Variants in MARK4 observed in about 807,000 individuals in gnomAD.
MARK4 encodes the protein MAP/microtubule affinity-regulating kinase 4.
MARK4 carries 19 observed loss-of-function variants against 81.5 expected under a neutral mutation model. That is an observed-to-expected ratio of 0.23 (90% CI 0.16 to 0.34). The LOEUF is 0.34. Among genes scored for constraint, MARK4 ranks in the 10% least tolerant of loss-of-function variants. The pLI is 1.00. For synonymous variants in MARK4, 436 were observed against 439.0 expected (o/e 0.99, Z 0.08); for missense variants, 772 against 1,058.8 (o/e 0.73, Z 3.76).
chr19:45,280,655 C>G lies in MARK4; in HGVS notation c.1197C>G (p.Ser399=). The change falls in exon 12 of 17, where the codon TCC becomes TCG. Residue 399 remains serine (S), a synonymous_variant. Transcript: ENST00000262891. Reference sequence around the variant, plus strand: ...GCGACACCACCAACGGAACAAGTTCCAGCAAAGGCACCAGCCACAGCAAAG... The same window carrying G: ...GCGACACCACCAACGGAACAAGTTCGAGCAAAGGCACCAGCCACAGCAAAG... The part of the protein sequence containing the change: ...APSDTTNGTS[S]SKGTSHSKGQ... 2 of 1,614,156 alleles carry G rather than the reference C, an allele frequency of 1.2e-6. No homozygotes were observed. Among genetic ancestry groups the G allele is most frequent in the Non-Finnish European group, 1.7e-6 (2 of 1,180,012 alleles).
chr19:45,288,705 C>G (rs1970780808), intron 13 of MARK4, among the ~76,000 whole-genome samples: 1 of 151,870 alleles, frequency 6.6e-6, no homozygotes, highest in South Asian at 2.1e-4. Flanking sequence ...AAAAAATTAG[C>G]TGGGCATGGT....
intron 13 of MARK4, 34 bp downstream of exon 13, chr19:45,287,698 G>T (rs756054631): frequency 6.3e-7 from 1 of 1,586,646 alleles, no homozygotes; most frequent in Non-Finnish European, 8.6e-7. Flanking sequence ...AGGGCTGGGG[G>T]CGCCACCTGG....
rs753113054 is a variant in MARK4 at position 45,302,677 on chromosome 19, C to T, written c.2226C>T (p.Leu742=). ...VAGTALAFRT[L]VTRISNDLEL ...GCACCGCCCTGGCCTTCCGCACCCT[C>T]GTCACCCGCATCTCCAACGACCTCG... The change falls in exon 17 of 17, where the codon CTC becomes CTT. Residue 742 remains leucine (L), a synonymous_variant. Coordinates refer to ENST00000262891, the MANE Select transcript of MARK4 (RefSeq NM_001199867.2). The surrounding 1 kb of genome is among the most constrained non-coding windows in gnomAD (Gnocchi z 4.9). The T allele has an allele frequency of 5.2e-6, 8 of 1,537,030 alleles. No individual in the cohort carries two copies. The highest frequency in any genetic ancestry group is 3.5e-5 in the South Asian group (3 of 84,578).
chr19:45,294,295 G>C, intron 13 of MARK4, 54 bp from the exon 14 acceptor site: 8 of 1,540,488 alleles, frequency 5.2e-6, no homozygotes, highest in Non-Finnish European at 7.2e-6. Context: ...AGAGGGAGAA[G>C]CTCAGGGGCA....
intron 14 of MARK4, among the ~76,000 whole-genome samples, chr19:45,297,028 GAC>G (rs1490838919): frequency 7.0e-6 from 1 of 142,258 alleles, no homozygotes; most frequent in Non-Finnish European, 1.5e-5. Context: ...CAGCCTAGGT[GAC>G]AGAGTGAGAC....
intron 1 of MARK4, 44 bp from the exon 2 acceptor site, chr19:45,258,945 G>A (rs532329304): frequency 3.2e-5 from 51 of 1,589,398 alleles, no homozygotes; most frequent in African/African-American, 1.5e-4. Flanking sequence ...CGGGTTCCAC[G>A]GAAGGTGGGA....
chr19:45,280,472 A>C lies in MARK4; in HGVS notation c.1105A>C (p.Arg369=), dbSNP rs778215022. 6.2e-7 allele frequency: 1 copy of C among 1,614,190 alleles called. No homozygotes were observed. Residue 369 remains arginine, a synonymous_variant, in exon 11 of 17, where the codon AGG becomes CGG. Transcript: ENST00000262891. The part of the protein sequence containing the change: ...EVTATYLLLG[R]KTEEGGDRGA... ...GACCGCCACCTACCTCCTGCTGGGC[A>C]GGAAGACTGAGGTCAGGGGGCGCCA...
chr19:45,264,949 G>T (rs1970431770), intron 6 of MARK4, 39 bp downstream of exon 6: 11 of 1,607,074 alleles, frequency 6.8e-6, no homozygotes, highest in Non-Finnish European at 9.4e-6. Flanking sequence ...CTGGGTGCCT[G>T]GGTCCCTGGG....
chr19:45,287,150 G>A (rs1010100016), intron 12 of MARK4, among the ~76,000 whole-genome samples: 7 of 149,736 alleles, frequency 4.7e-5, no homozygotes, highest in African/African-American at 1.5e-4. Context: ...GTTGCAGTGA[G>A]CGGAGATCGC....
intron 1 of MARK4, 33 bp downstream of exon 1, chr19:45,251,672 G>A: frequency 1.3e-6 from 2 of 1,505,494 alleles, no homozygotes; most frequent in Non-Finnish European, 1.8e-6. Flanking sequence ...GGGAGCCCTG[G>A]CTGGGTCCAG....
At chr19:45,254,527 C>T (rs973203877) in intron 1 of MARK4, among the ~76,000 whole-genome samples, 7 of 152,186 alleles carry the variant, frequency 4.6e-5, no homozygotes, top group Non-Finnish European at 1.0e-4. Context: ...ATCAGCAGGC[C>T]GGGGTTCGCA....
intron 13 of MARK4, 81 bp from the exon 14 acceptor site, chr19:45,294,250 TGACTTATTCATCGATGGG>T: frequency 8.8e-7 from 1 of 1,135,536 alleles, no homozygotes; most frequent in Non-Finnish European, 1.3e-6. Context: ...CATGAGCCCC[TGACTTATTCATCGATGGG>T]GAGGGCAGAG....
chr19:45,254,139 C>T (rs141469415), intron 1 of MARK4, among the ~76,000 whole-genome samples: 1,948 of 152,196 alleles, frequency 0.013, 18 homozygotes, highest in Non-Finnish European at 0.02. Flanking sequence ...ACCCCAAGTT[C>T]CAGGGCCCCC....
At chr19:45,278,943 G>A (rs1193560342) in intron 10 of MARK4, among the ~76,000 whole-genome samples, 2 of 152,122 alleles carry the variant, frequency 1.3e-5, no homozygotes, top group Non-Finnish European at 1.5e-5. Context: ...GAGAGACCAG[G>A]CGAGGTGGTT....
At chr19:45,261,088 G>A (rs575531935) in intron 2 of MARK4, among the ~76,000 whole-genome samples, 80 of 151,964 alleles carry the variant, frequency 5.3e-4, no homozygotes, top group African/African-American at 1.7e-3. Context: ...CTGCCCTCAC[G>A]CTGTCTACAC....
intron 10 of MARK4, among the ~76,000 whole-genome samples, chr19:45,279,873 G>A (rs1385463652): frequency 1.3e-5 from 2 of 152,150 alleles, no homozygotes; most frequent in Non-Finnish European, 2.9e-5. Context: ...TGTGGCTTTG[G>A]GTGTAGAACA....
intron 13 of MARK4, 81 bp downstream of exon 13, chr19:45,287,745 C>T: frequency 6.9e-7 from 1 of 1,450,974 alleles, no homozygotes; most frequent in Non-Finnish European, 9.5e-7. Flanking sequence ...TCTCATTCCC[C>T]AGACGGAACT....
rs918672744 is a variant in MARK4, at chr19:45,302,238, G to C, written c.1923-136G>C. ...AGCTCTGTATCCAGTTGAAACTGTC[G>C]CTGGGGTAACAGGGGAAGATGTTTT... On this transcript the variant is annotated intron_variant, in intron 16 of 16. Transcript: ENST00000262891. This position sits in a 1 kb window ranked among gnomAD's most constrained non-coding sequence, Gnocchi z 4.9. 3.3e-6 allele frequency: 5 copies of C among 1,536,612 alleles called. No homozygotes were observed. The highest frequency in any genetic ancestry group is 3.5e-6 in the Non-Finnish European group (4 of 1,141,974).
chr19:45,298,341 G>A, intron 15 of MARK4: 1 of 1,064,980 alleles, frequency 9.4e-7, no homozygotes, highest in Non-Finnish European at 1.4e-6. Context: ...GTGGGGTCTG[G>A]TTGTTCATTT....
Sources: allele counts gnomAD v4.1 joint callset (sites outside exome capture counted in the v4.1 genomes callset), GRCh38; gene constraint gnomAD v4.1.1; non-coding constraint Gnocchi (gnomAD v3.1); transcripts MANE v1.5; gene names NCBI Gene and HGNC (gene_info 2026-07-23, HGNC 2026-07-21).